The following PUM1 variants were observed in gnomAD, a reference collection of about 807,000 sequenced individuals.
The protein encoded by PUM1 is pumilio RNA binding family member 1.
A neutral mutation model predicts 131.8 loss-of-function variants in PUM1; 13 were observed. The ratio of observed to expected loss-of-function variants is 0.10; its 90% CI spans 0.06 to 0.16. The LOEUF is 0.16. Among genes scored for constraint, PUM1 ranks in the 10% least tolerant of loss-of-function variants. The probability of loss-of-function intolerance (pLI) is 1.00; values close to 1 mark genes in which losing one functional copy is unlikely to be tolerated. For missense variants in PUM1, 961 were observed against 1,512.4 expected (o/e 0.64, Z 6.05); for synonymous variants, 509 against 556.5 (o/e 0.91, Z 1.20).
At chr1:30,961,536 C>T (rs779895255) in intron 14 of PUM1, among the ~76,000 whole-genome samples, 4 of 151,252 alleles carry the variant, frequency 2.6e-5, no homozygotes, top group Admixed American at 6.6e-5. Context: ...ACAATAAAAA[C>T]GGGGGGGAAT....
intron 11 of PUM1, 27 bp downstream of exon 11, chr1:30,968,327 G>A (rs1011012489): frequency 1.3e-6 from 2 of 1,588,124 alleles, no homozygotes; most frequent in Non-Finnish European, 8.6e-7. Flanking sequence ...CCCTGCCAAA[G>A]TATTAGGAAT....
In PUM1 at chr1:30,933,226, A is replaced by AG. The variant is rs1445151427; in HGVS notation, c.3551dup (p.Asn1185Ter). The AG allele has an allele frequency of 3.7e-6, 6 of 1,613,112 alleles. No individual in the cohort carries two copies. Among genetic ancestry groups the AG allele is most frequent in the Non-Finnish European group, 5.1e-6 (6 of 1,179,552 alleles). On this transcript the variant is annotated frameshift_variant, in exon 22 of 22. Coordinates refer to ENST00000426105, the MANE Select transcript of PUM1 (RefSeq NM_001020658.2). LOFTEE classifies it high-confidence loss of function. ...TGACACTGCCTCAGATGATACCATTAGGGGGGCCACAGATGGGCCCTAAGT... is the reference window on the plus strand; with the variant it reads ...TGACACTGCCTCAGATGATACCATTAGGGGGGGCCACAGATGGGCCCTAAGT...
intron 9 of PUM1, among the ~76,000 whole-genome samples, chr1:30,975,944 C>T (rs1030975819): frequency 2.0e-5 from 3 of 151,706 alleles, no homozygotes; most frequent in African/African-American, 2.4e-5. Flanking sequence ...AAAAATTAGC[C>T]GGACGTGGTG....
chr1:30,965,147 TA>T (rs1217533650), intron 13 of PUM1, among the ~76,000 whole-genome samples: 1 of 152,172 alleles, frequency 6.6e-6, no homozygotes, highest in Non-Finnish European at 1.5e-5. Context: ...TGTCGTATAT[TA>T]TAGGATAAGG....
intron 2 of PUM1, among the ~76,000 whole-genome samples, chr1:31,034,407 G>A (rs1643537716): frequency 6.6e-6 from 1 of 152,184 alleles, no homozygotes; most frequent in Non-Finnish European, 1.5e-5. Flanking sequence ...GGGAGGCTGA[G>A]GTGGACAGTT....
intron 7 of PUM1, among the ~76,000 whole-genome samples, chr1:30,983,986 G>A (rs1641454689): frequency 1.3e-5 from 2 of 152,158 alleles, no homozygotes; most frequent in Middle Eastern, 3.4e-3. Flanking sequence ...CATGGCATGT[G>A]GGAATACCAC....
intron 5 of PUM1, among the ~76,000 whole-genome samples, chr1:30,999,713 T>C (rs1309147813): frequency 6.6e-6 from 1 of 150,778 alleles, no homozygotes; most frequent in Non-Finnish European, 1.5e-5. Context: ...CACAGGACTT[T>C]GGACAGGTCA....
At chr1:30,964,998 G>T in intron 13 of PUM1, 88 bp from the exon 14 acceptor site, 1 of 1,125,922 alleles carries the variant, frequency 8.9e-7, no homozygotes, top group Non-Finnish European at 1.3e-6. Context: ...CTTTGATCCA[G>T]ACTCCTTACC....
Position 30,995,226 on chromosome 1 carries a change from TA to T in PUM1, c.721-7del, listed in dbSNP as rs779708689. ...CTGTCTGCATCCCTTGGGCCCTGTTTAAAAAATAGCTTCAGCTTCACTAATC... is the reference window on the plus strand; with the variant it reads ...CTGTCTGCATCCCTTGGGCCCTGTTTAAAAATAGCTTCAGCTTCACTAATC... On this transcript the variant is annotated splice_polypyrimidine_tract_variant and splice_region_variant and intron_variant, in intron 5 of 21. Transcript: ENST00000426105. 1.2e-6 allele frequency: 2 copies of T among 1,613,268 alleles called. No homozygotes were observed. The highest frequency in any genetic ancestry group is 1.1e-5 in the South Asian group (1 of 90,924).
Position 31,052,993 on chromosome 1 carries a change from C to G in PUM1, c.363+6211G>C, listed in dbSNP as rs140814273. On this transcript the variant is annotated intron_variant, in intron 2 of 21. Coordinates refer to ENST00000426105, the MANE Select transcript of PUM1 (RefSeq NM_001020658.2). ...TGCTGGGATTACAGGCATAAGCCAC[C>G]ACGCCTGGCCCAATATCCATCATCT... Among the ~76,000 whole-genome samples the G allele has an allele frequency of 2.4e-3, 365 of 151,412 alleles. 2 individuals carry two copies. The highest frequency in any genetic ancestry group is 8.3e-3 in the African/African-American group (343 of 41,278).
At chr1:30,939,791 T>C (rs1639367624) in intron 20 of PUM1, among the ~76,000 whole-genome samples, 1 of 152,120 alleles carries the variant, frequency 6.6e-6, no homozygotes, top group Non-Finnish European at 1.5e-5. Flanking sequence ...CCAGGAATCC[T>C]AGGCTGCAGT....
At chr1:30,950,533 A>G (rs2124409756) in intron 16 of PUM1, among the ~76,000 whole-genome samples, 2 of 152,376 alleles carry the variant, frequency 1.3e-5, no homozygotes, top group East Asian at 1.9e-4. Flanking sequence ...AAGCAAACAC[A>G]TAATTCCTCA....
chr1:31,061,437 G>A (rs528490430), intron 1 of PUM1, among the ~76,000 whole-genome samples: 111 of 151,954 alleles, frequency 7.3e-4, no homozygotes, highest in African/African-American at 2.6e-3. Flanking sequence ...CTAACATGGT[G>A]AAACCCCGAC....
At chr1:31,038,984 A>ATATATTTTTTTTTTTTTTTTTTTTTT in intron 2 of PUM1, among the ~76,000 whole-genome samples, 1 of 49,422 alleles carries the variant, frequency 2.0e-5, no homozygotes, top group African/African-American at 2.1e-4. Flanking sequence ...ATATATATAT[A>ATATATTTTTTTTTTTTTTTTTTTTTT]TTTTTTTTTT....
rs1644318577 is a variant in PUM1, at chr1:31,059,289, A to G, written c.278T>C (p.Leu93Pro). The change falls in exon 2 of 22, where the codon CTT becomes CCT. Residue 93 changes from leucine to proline, a missense_variant. By Grantham distance (98) the Leu-to-Pro change is moderately conservative. Around this residue, in one of 4 missense-constraint regions of PUM1, gnomAD observed 654 missense variants for 923.9 expected, o/e 0.71. Transcript: ENST00000426105. ...GCCTCCTCCACTTCCTCCTCCCCCAAGCTGCTCACCATGCTGCCTCTGAAA... is the reference window on the plus strand; with the variant it reads ...GCCTCCTCCACTTCCTCCTCCCCCAGGCTGCTCACCATGCTGCCTCTGAAA... ...YFFQRQHGEQLGGGGSGGGGY... is the reference protein window; with the variant it reads ...YFFQRQHGEQPGGGGSGGGGY... 6.2e-7 allele frequency: 1 copy of G among 1,614,040 alleles called. No homozygotes were observed. Among genetic ancestry groups the G allele is most frequent in the African/African-American group, 1.3e-5 (1 of 75,000 alleles).
At chr1:30,950,034 A>G in intron 17 of PUM1, 93 bp downstream of exon 17, 2 of 1,430,384 alleles carry the variant, frequency 1.4e-6, no homozygotes, top group Admixed American at 2.3e-5. Flanking sequence ...AAAACCATAA[A>G]AGAAAACTGA....
chr1:31,041,209 C>G (rs1643803414), intron 2 of PUM1, among the ~76,000 whole-genome samples: 1 of 152,094 alleles, frequency 6.6e-6, no homozygotes, highest in Admixed American at 6.6e-5. Context: ...ATGCCATTCA[C>G]TGAGCACTTA....
At chr1:31,031,425 C>A (rs1013992187) in intron 2 of PUM1, among the ~76,000 whole-genome samples, 15 of 152,174 alleles carry the variant, frequency 9.9e-5, no homozygotes, top group African/African-American at 3.1e-4. Context: ...TCACAACAAC[C>A]TCACAGTGAT....
At chr1:31,055,530 T>C (rs1419212040) in intron 2 of PUM1, 3 of 364,636 alleles carry the variant, frequency 8.2e-6, no homozygotes, top group Non-Finnish European at 1.1e-5. Flanking sequence ...CCAACTACCC[T>C]GAGTTCCCCA....
Sources: gnomAD v4.1 joint callset for allele counts (sites outside exome capture counted in the v4.1 genomes callset) on GRCh38, gnomAD v4.1.1 for gene constraint, gnomAD v4.1.1 regional missense constraint, MANE v1.5 for transcripts, NCBI Gene and HGNC (gene_info 2026-07-23, HGNC 2026-07-21) for gene names.